DDAH1: variants seen among roughly 807,000 people sequenced by gnomAD.
The protein encoded by DDAH1 is N(G),N(G)-dimethylarginine dimethylaminohydrolase 1.
A neutral mutation model predicts 28.8 loss-of-function variants in DDAH1; 19 were observed. The ratio of observed to expected loss-of-function variants is 0.66; its 90% confidence interval spans 0.46 to 0.97. The LOEUF (loss-of-function observed/expected upper bound fraction) is 0.97. DDAH1 is among the 50% of genes least tolerant of loss of function. DDAH1 has a pLI of 0.00. For synonymous variants in DDAH1, 153 were observed against 154.4 expected (o/e 0.99, Z 0.07); for missense variants, 326 against 375.9 (o/e 0.87, Z 1.10).
intron 1 of DDAH1, among the ~76,000 whole-genome samples, chr1:85,364,899 A>G (rs1649988035): frequency 6.6e-6 from 1 of 152,174 alleles, no homozygotes; most frequent in Admixed American, 6.5e-5. Flanking sequence ...GATCGAACAG[A>G]CATTTTGTGT....
chr1:85,511,869 C>T (rs535330512), intron 1 of DDAH1, among the ~76,000 whole-genome samples: 8 of 152,202 alleles, frequency 5.3e-5, no homozygotes, highest in African/African-American at 1.9e-4. Flanking sequence ...AGCCTACCAA[C>T]CAAAAAAAGT....
intron 4 of DDAH1, among the ~76,000 whole-genome samples, chr1:85,342,718 G>A (rs1489642439): frequency 6.6e-6 from 1 of 152,104 alleles, no homozygotes; most frequent in South Asian, 2.1e-4. Flanking sequence ...TGACAAAAAC[G>A]TTGGCTTCTT....
At chr1:85,486,232 C>A (rs955063791) in intron 2 of DDAH1, among the ~76,000 whole-genome samples, 2 of 152,180 alleles carry the variant, frequency 1.3e-5, no homozygotes, top group African/African-American at 4.8e-5. Flanking sequence ...GGATTGCAAG[C>A]TGTCATCTAT....
intron 1 of DDAH1, among the ~76,000 whole-genome samples, chr1:85,506,897 G>C (rs1326457282): frequency 6.6e-6 from 1 of 152,216 alleles, no homozygotes. Context: ...GTTCAGGTAA[G>C]AGGCGATGAA....
chr1:85,341,956 A>C (rs981048360), intron 4 of DDAH1, among the ~76,000 whole-genome samples: 5 of 152,172 alleles, frequency 3.3e-5, no homozygotes, highest in African/African-American at 1.2e-4. Context: ...CTTTATAATT[A>C]TATGGTTGCT....
chr1:85,358,615 C>A (rs1443994487), intron 2 of DDAH1, 133 bp downstream of exon 2: 1 of 659,118 alleles, frequency 1.5e-6, no homozygotes, highest in African/African-American at 1.9e-5. Flanking sequence ...CGCCACTGCA[C>A]TCCGGCCTAG....
intron 1 of DDAH1, among the ~76,000 whole-genome samples, chr1:85,409,077 G>A (rs112933213): frequency 6.6e-6 from 1 of 152,184 alleles, no homozygotes; most frequent in East Asian, 1.9e-4. Context: ...GGATGGCTTT[G>A]AATGCAGCCG....
intron 4 of DDAH1, among the ~76,000 whole-genome samples, chr1:85,345,338 T>A (rs867007599): frequency 0.017 from 2,640 of 151,658 alleles, 69 homozygotes; most frequent in East Asian, 0.12. Flanking sequence ...TACATTATTT[T>A]TTTTTTTTTT....
At chr1:85,370,062 A>C (rs1319702281) in intron 1 of DDAH1, among the ~76,000 whole-genome samples, 1 of 152,184 alleles carries the variant, frequency 6.6e-6, no homozygotes, top group Admixed American at 6.5e-5. Context: ...ATATGTTGAA[A>C]ACTCCCAGGG....
intron 1 of DDAH1, among the ~76,000 whole-genome samples, 160 bp from the exon 2 acceptor site, chr1:85,359,007 G>A (rs1410625748): frequency 6.6e-6 from 1 of 152,168 alleles, no homozygotes; most frequent in Non-Finnish European, 1.5e-5. Context: ...TGTATGACCA[G>A]TCATGATCAT....
At chr1:85,376,327 C>A (rs538309572) in intron 1 of DDAH1, among the ~76,000 whole-genome samples, 1 of 152,244 alleles carries the variant, frequency 6.6e-6, no homozygotes, top group African/African-American at 2.4e-5. Flanking sequence ...TTTACACTAC[C>A]TGCCTGATGA....
chr1:85,329,482 T>C (rs1157641852), intron 4 of DDAH1, among the ~76,000 whole-genome samples: 1 of 152,246 alleles, frequency 6.6e-6, no homozygotes, highest in Non-Finnish European at 1.5e-5. Context: ...TTAAAGCTTC[T>C]GGTGGGGACA....
At chr1:85,336,506 C>T (rs1428994529) in intron 4 of DDAH1, among the ~76,000 whole-genome samples, 3 of 151,748 alleles carry the variant, frequency 2.0e-5, no homozygotes, top group African/African-American at 7.3e-5. Flanking sequence ...ATGGAAACAA[C>T]TTACCAAAAC....
At chr1:85,508,232 T>A (rs1014939627) in intron 1 of DDAH1, among the ~76,000 whole-genome samples, 4 of 152,118 alleles carry the variant, frequency 2.6e-5, no homozygotes, top group African/African-American at 9.7e-5. Context: ...TCATTGGGAG[T>A]TGCAAATTAG....
At chr1:85,460,683 C>T (rs1489889952) in intron 1 of DDAH1, among the ~76,000 whole-genome samples, 1 of 152,126 alleles carries the variant, frequency 6.6e-6, no homozygotes, top group Non-Finnish European at 1.5e-5. Context: ...GTCAGTTAAT[C>T]ATTCATTAGG....
rs1025703587 is a variant in DDAH1, at chr1:85,569,372, T to C, written c.-123+8612A>G. 7.2e-5 allele frequency among the ~76,000 whole-genome samples: 11 copies of C among 152,322 alleles called. No individual in the cohort carries two copies. The East Asian group carries it at 2.1e-3, about 29-fold the overall frequency. On this transcript the variant is annotated intron_variant, in intron 1 of 6. Transcript: ENST00000426972. The stretch of plus-strand genomic sequence containing the variant: ...AGCACACTTGTTAGTTCCTATGTAC[T>C]GACACCAAATTGTGTTCCAAAAGAG...
intron 4 of DDAH1, among the ~76,000 whole-genome samples, chr1:85,326,028 A>C (rs1460613330): frequency 6.6e-6 from 1 of 152,258 alleles, no homozygotes; most frequent in Non-Finnish European, 1.5e-5. Context: ...TACTAGGCAG[A>C]CATGCCCACT....
chr1:85,343,499 A>T (rs1341603220), intron 4 of DDAH1, among the ~76,000 whole-genome samples: 1 of 152,196 alleles, frequency 6.6e-6, no homozygotes. Context: ...TAAAAAAATC[A>T]TTGTTTTGTG....
intron 1 of DDAH1, among the ~76,000 whole-genome samples, chr1:85,386,046 C>T (rs1651240985): frequency 6.6e-6 from 1 of 152,090 alleles, no homozygotes; most frequent in Non-Finnish European, 1.5e-5. Context: ...AGGGATCTAC[C>T]CCCATGACAC....
Sources: gnomAD v4.1 joint callset for allele counts (sites outside exome capture counted in the v4.1 genomes callset) on GRCh38, gnomAD v4.1.1 for gene constraint, MANE v1.5 for transcripts, NCBI Gene and HGNC (gene_info 2026-07-23, HGNC 2026-07-21) for gene names.